The following GRB10 variants were observed in gnomAD, a reference collection of about 807,000 sequenced individuals.
The protein encoded by GRB10 is growth factor receptor-bound protein 10.
A neutral mutation model predicts 80.9 loss-of-function variants in GRB10; 20 were observed. The ratio of observed to expected loss-of-function variants is 0.25; its 90% CI spans 0.17 to 0.36. GRB10 has a LOEUF of 0.36. Ranked by LOEUF, GRB10 falls within the 10% of genes least tolerant of loss-of-function variation. The pLI is 1.00. For synonymous variants in GRB10, 291 were observed against 291.5 expected (o/e 1.00, Z 0.02); for missense variants, 548 against 747.7 (o/e 0.73, Z 3.12).
At chr7:50,597,063 G>A (rs914269579) in intron 17 of GRB10, among the ~76,000 whole-genome samples, 2 of 152,164 alleles carry the variant, frequency 1.3e-5, no homozygotes, top group African/African-American at 4.8e-5. Context: ...ATGTGAAGAT[G>A]GAAAGCAGTT....
chr7:50,673,493 A>C (rs556300506), intron 6 of GRB10, among the ~76,000 whole-genome samples: 2 of 151,618 alleles, frequency 1.3e-5, no homozygotes, highest in Non-Finnish European at 1.5e-5. Flanking sequence ...CCCTCCACAC[A>C]CTCTCTGTCT....
intron 5 of GRB10, among the ~76,000 whole-genome samples, chr7:50,684,802 A>G (rs2061934987): frequency 6.6e-6 from 1 of 152,368 alleles, no homozygotes; most frequent in Admixed American, 6.5e-5. Flanking sequence ...AGTCTTCCTT[A>G]GCCATTTGAT....
chr7:50,645,389 T>A (rs922882026), intron 7 of GRB10, among the ~76,000 whole-genome samples: 1 of 152,082 alleles, frequency 6.6e-6, no homozygotes, highest in Admixed American at 6.5e-5. Context: ...ACACAACCCA[T>A]GCAAAAATCA....
chr7:50,692,803 C>T (rs976174083), intron 5 of GRB10, among the ~76,000 whole-genome samples: 15 of 152,186 alleles, frequency 9.9e-5, no homozygotes, highest in African/African-American at 3.1e-4. Context: ...AAATAATGCT[C>T]GCAACAGGCA....
At chr7:50,655,000 T>C (rs1029491830) in intron 7 of GRB10, among the ~76,000 whole-genome samples, 3 of 152,248 alleles carry the variant, frequency 2.0e-5, no homozygotes, top group African/African-American at 7.2e-5. Context: ...TCTTGGTTCA[T>C]GATTCAGTCC....
At chr7:50,767,396 T>C (rs568821667) in intron 2 of GRB10, among the ~76,000 whole-genome samples, 2 of 152,142 alleles carry the variant, frequency 1.3e-5, no homozygotes, top group Admixed American at 1.3e-4. Context: ...TCCTGTGTTG[T>C]TTCCTGCCTC....
intron 1 of GRB10, chr7:50,781,545 G>A (rs551327266): frequency 6.6e-6 from 1 of 152,366 alleles, no homozygotes; most frequent in Admixed American, 6.5e-5. Flanking sequence ...AATGAGGAAA[G>A]ACACCCACGC....
intron 7 of GRB10, among the ~76,000 whole-genome samples, chr7:50,651,983 A>C (rs1348162713): frequency 6.6e-6 from 1 of 152,130 alleles, no homozygotes; most frequent in Non-Finnish European, 1.5e-5. Context: ...CACAGGTCCC[A>C]CTCAGTCTGT....
chr7:50,631,382 G>A (rs2053977058), intron 7 of GRB10, among the ~76,000 whole-genome samples: 2 of 152,224 alleles, frequency 1.3e-5, no homozygotes, highest in East Asian at 1.9e-4. Context: ...CACAGTACCC[G>A]AGATCCACAC....
intron 7 of GRB10, among the ~76,000 whole-genome samples, chr7:50,659,472 G>C (rs1449276183): frequency 6.6e-6 from 1 of 152,132 alleles, no homozygotes; most frequent in African/African-American, 2.4e-5. Context: ...TTAAAGCCTT[G>C]GCTCAAATGC....
At chr7:50,766,959 A>C (rs541842546) in intron 2 of GRB10, among the ~76,000 whole-genome samples, 48 of 152,350 alleles carry the variant, frequency 3.2e-4, no homozygotes, top group African/African-American at 1.2e-3. Flanking sequence ...GGTTCCTACA[A>C]ACAGGAATGG....
intron 3 of GRB10, among the ~76,000 whole-genome samples, chr7:50,754,518 T>C (rs1387954449): frequency 6.6e-6 from 1 of 152,132 alleles, no homozygotes. Flanking sequence ...GGACCCTCTC[T>C]CTGCAGGGGC....
chr7:50,630,536 G>A (rs941780098), intron 7 of GRB10, among the ~76,000 whole-genome samples: 1 of 152,184 alleles, frequency 6.6e-6, no homozygotes, highest in African/African-American at 2.4e-5. Flanking sequence ...GACAACCACC[G>A]AAGGGTGCAG....
intron 5 of GRB10, among the ~76,000 whole-genome samples, chr7:50,682,213 A>G (rs2061617721): frequency 6.6e-6 from 1 of 152,218 alleles, no homozygotes; most frequent in South Asian, 2.1e-4. Flanking sequence ...GGCTAAACAC[A>G]GCAATTTTAG....
At chr7:50,739,980 A>C (rs1329485296) in intron 3 of GRB10, among the ~76,000 whole-genome samples, 7 of 152,198 alleles carry the variant, frequency 4.6e-5, no homozygotes, top group African/African-American at 1.7e-4. Context: ...TCATCTGCTT[A>C]AAGGAACCTA....
chr7:50,717,238 G>A (rs1489859624), intron 4 of GRB10, among the ~76,000 whole-genome samples: 1 of 152,202 alleles, frequency 6.6e-6, no homozygotes, highest in African/African-American at 2.4e-5. Flanking sequence ...AACACAGAAA[G>A]TCTTCACCAT....
chr7:50,664,655 A>C (rs1308716053), intron 7 of GRB10, among the ~76,000 whole-genome samples: 1 of 152,098 alleles, frequency 6.6e-6, no homozygotes, highest in Non-Finnish European at 1.5e-5. Flanking sequence ...GCAAAGGAGG[A>C]CCACTGCAGC....
At chr7:50,595,617 A>C (rs1397660546) in intron 17 of GRB10, 87 bp from the exon 18 acceptor site, 1 of 761,020 alleles carries the variant, frequency 1.3e-6, no homozygotes, top group East Asian at 2.6e-5. Context: ...ACACACACAC[A>C]CACACACACA....
chr7:50,686,462 T>C (rs1459299001), intron 5 of GRB10, among the ~76,000 whole-genome samples: 1 of 152,250 alleles, frequency 6.6e-6, no homozygotes, highest in African/African-American at 2.4e-5. Flanking sequence ...GAATGCTTAC[T>C]ATTTTTAAGA....
Sources: allele counts gnomAD v4.1 joint callset (sites outside exome capture counted in the v4.1 genomes callset), GRCh38; gene constraint gnomAD v4.1.1; transcripts MANE v1.5; gene names NCBI Gene and HGNC (gene_info 2026-07-23, HGNC 2026-07-21).